The following DLG2 variants were observed in gnomAD, a reference collection of about 807,000 sequenced individuals.
DLG2 encodes the protein disks large homolog 2.
In DLG2, 45 loss-of-function variants were observed where a neutral mutation model predicts 132.5. The ratio of observed to expected loss-of-function variants is 0.34; its 90% CI spans 0.27 to 0.44. DLG2 has a LOEUF of 0.44. Among genes scored for constraint, DLG2 ranks in the 20% least tolerant of loss-of-function variants. DLG2 has a pLI of 1.00. For synonymous variants in DLG2, 424 were observed against 419.6 expected (o/e 1.01, Z -0.13); for missense variants, 1,045 against 1,196.9 (o/e 0.87, Z 1.87).
chr11:83,885,083 C>T (rs557019403), intron 15 of DLG2, among the ~76,000 whole-genome samples: 132 of 152,320 alleles, frequency 8.7e-4, no homozygotes, highest in African/African-American at 3.0e-3. Flanking sequence ...AGCAACGGAA[C>T]AAAGCTGGAC....
intron 7 of DLG2, among the ~76,000 whole-genome samples, chr11:84,266,028 T>C: frequency 6.6e-6 from 1 of 152,074 alleles, no homozygotes; most frequent in Non-Finnish European, 1.5e-5. Flanking sequence ...CTGGGATGGG[T>C]ATGGAAAGTG....
intron 11 of DLG2, among the ~76,000 whole-genome samples, chr11:83,998,883 G>A (rs2094188046): frequency 6.6e-6 from 1 of 152,132 alleles, no homozygotes; most frequent in Admixed American, 6.5e-5. Context: ...AGGAAGGTGT[G>A]GGCTACTTCA....
At chr11:83,759,831 T>TC (rs1481811329) in intron 18 of DLG2, among the ~76,000 whole-genome samples, 1 of 152,214 alleles carries the variant, frequency 6.6e-6, no homozygotes, top group African/African-American at 2.4e-5. Context: ...ATAAAGGACA[T>TC]CCAGAACCCA....
intron 9 of DLG2, among the ~76,000 whole-genome samples, chr11:84,130,524 A>ATG (rs1566633125): frequency 2.4e-5 from 3 of 123,902 alleles, no homozygotes; most frequent in South Asian, 2.4e-4. Flanking sequence ...ACACACACAC[A>ATG]TATATGTGTG....
chr11:84,083,656 A>G (rs2096934366), intron 10 of DLG2, among the ~76,000 whole-genome samples: 1 of 152,142 alleles, frequency 6.6e-6, no homozygotes, highest in South Asian at 2.1e-4. Context: ...TGTATTGTGT[A>G]CTTGATCCTG....
intron 10 of DLG2, among the ~76,000 whole-genome samples, chr11:84,084,339 G>A (rs1293193534): frequency 2.0e-5 from 3 of 152,146 alleles, no homozygotes; most frequent in East Asian, 1.9e-4. Context: ...GTTTTCCAGC[G>A]TTAGCTTCCT....
chr11:85,062,508 A>C (rs1472647690), intron 6 of DLG2, among the ~76,000 whole-genome samples: 1 of 151,644 alleles, frequency 6.6e-6, no homozygotes, highest in South Asian at 2.1e-4. Context: ...TAAATATTTT[A>C]TCTTTATAAG....
At chr11:84,486,834 T>C (rs774868662) in intron 7 of DLG2, among the ~76,000 whole-genome samples, 5 of 152,078 alleles carry the variant, frequency 3.3e-5, no homozygotes, top group Non-Finnish European at 7.4e-5. Context: ...ACATTGAACA[T>C]ATAAAGATAT....
chr11:84,424,507 T>C (rs2098960413), intron 7 of DLG2, among the ~76,000 whole-genome samples: 2 of 152,088 alleles, frequency 1.3e-5, no homozygotes, highest in African/African-American at 2.4e-5. Context: ...CTTATAATAG[T>C]GCCTATGAGA....
At chr11:85,049,412 A>T (rs148341377) in intron 6 of DLG2, among the ~76,000 whole-genome samples, 6 of 150,278 alleles carry the variant, frequency 4.0e-5, no homozygotes, top group Non-Finnish European at 9.0e-5. Flanking sequence ...TGCAATATGG[A>T]AGACTGGCCA....
At chr11:83,845,805 T>A in intron 16 of DLG2, among the ~76,000 whole-genome samples, 1 of 152,216 alleles carries the variant, frequency 6.6e-6, no homozygotes, top group East Asian at 1.9e-4. Flanking sequence ...TACCAATAAA[T>A]ACTTGAGTAA....
chr11:83,836,165 T>A (rs1057170472), intron 16 of DLG2, among the ~76,000 whole-genome samples: 1 of 152,204 alleles, frequency 6.6e-6, no homozygotes, highest in African/African-American at 2.4e-5. Flanking sequence ...CTCAATGCTT[T>A]TTTATTCTAT....
intron 3 of DLG2, among the ~76,000 whole-genome samples, chr11:85,323,316 C>T (rs1240216845): frequency 2.6e-5 from 4 of 152,216 alleles, no homozygotes; most frequent in East Asian, 3.8e-4. Context: ...ATAAACTTCC[C>T]TTGCAAAGCA....
rs1475771729 is a variant in DLG2, at chr11:84,386,397, T to C, written c.520-135106A>G. Among the ~76,000 whole-genome samples the C allele has an allele frequency of 2.6e-5, 4 of 152,092 alleles. No individual in the cohort carries two copies. The East Asian group carries it at 7.7e-4, about 29-fold the overall frequency. ...CCTGTTAACTCTGTAACTAATTTCT[T>C]AAAAATCTCTCTCTTATTTCAATAT... On this transcript the variant is annotated intron_variant, in intron 7 of 27. Transcript: ENST00000376104.
intron 3 of DLG2, among the ~76,000 whole-genome samples, chr11:85,386,626 G>C (rs2086350827): frequency 6.6e-6 from 1 of 151,776 alleles, no homozygotes. Flanking sequence ...TTATGTTATA[G>C]GGTCTCAAAT....
At chr11:84,374,356 A>T (rs896890435) in intron 7 of DLG2, among the ~76,000 whole-genome samples, 1 of 152,188 alleles carries the variant, frequency 6.6e-6, no homozygotes, top group African/African-American at 2.4e-5. Flanking sequence ...GCTTTAATTG[A>T]TTTTATGTTC....
intron 16 of DLG2, among the ~76,000 whole-genome samples, chr11:83,863,512 G>A (rs753238271): frequency 6.6e-6 from 1 of 152,088 alleles, no homozygotes; most frequent in Non-Finnish European, 1.5e-5. Flanking sequence ...GAGTCCTGGC[G>A]TGGAGGAGGA....
Position 84,753,219 on chromosome 11 carries a change from T to A in DLG2, c.358-218488A>T, listed in dbSNP as rs2066411244. The stretch of plus-strand genomic sequence containing the variant: ...GAGAAGAGAGACAGATTAGTCTGAG[T>A]ATGTTGGAAAGCTTTTGAAGCCAAT... On this transcript the variant is annotated intron_variant, in intron 6 of 27. Coordinates refer to ENST00000376104, the MANE Select transcript of DLG2 (RefSeq NM_001142699.3). Among the ~76,000 whole-genome samples the A allele has an allele frequency of 2.0e-5, 3 of 152,202 alleles. No individual in the cohort carries two copies. In the East Asian group the frequency reaches 5.8e-4, roughly 29 times the overall value.
At chr11:83,742,862 T>G (rs2092634249) in intron 18 of DLG2, among the ~76,000 whole-genome samples, 1 of 152,182 alleles carries the variant, frequency 6.6e-6, no homozygotes, top group African/African-American at 2.4e-5. Flanking sequence ...TCAATTAAAT[T>G]TAACATATAG....
Sources: allele counts gnomAD v4.1 joint callset (sites outside exome capture counted in the v4.1 genomes callset), GRCh38; gene constraint gnomAD v4.1.1; transcripts MANE v1.5; gene names NCBI Gene and HGNC (gene_info 2026-07-23, HGNC 2026-07-21).